Variants in DDX60L observed in about 807,000 individuals in gnomAD.
DDX60L encodes the protein probable ATP-dependent RNA helicase DDX60-like.
DDX60L carries 191 observed loss-of-function variants against 211.6 expected under a neutral mutation model. The observed-to-expected ratio is 0.90, with a 90% CI of 0.80 to 1.02. DDX60L has a LOEUF of 1.02. DDX60L is among the 50% of genes least tolerant of loss of function. The probability of loss-of-function intolerance (pLI) is 0.00; values close to 1 mark genes in which losing one functional copy is unlikely to be tolerated. For synonymous variants in DDX60L, 706 were observed against 694.1 expected (o/e 1.02, Z -0.27); for missense variants, 2,007 against 1,984.1 (o/e 1.01, Z -0.22).
intron 29 of DDX60L, 34 bp from the exon 30 acceptor site, chr4:168,384,846 C>T: frequency 6.3e-7 from 1 of 1,578,162 alleles, no homozygotes; most frequent in South Asian, 1.1e-5. Flanking sequence ...TGTAAAACCT[C>T]CACAGATAAT....
At chr4:168,381,285 C>T (rs1334235652) in intron 30 of DDX60L, among the ~76,000 whole-genome samples, 6 of 152,124 alleles carry the variant, frequency 3.9e-5, no homozygotes, top group Non-Finnish European at 7.4e-5. Flanking sequence ...TCCTCACAGA[C>T]ATTTCAGAGA....
chr4:168,433,601 T>TAC (rs1281137938), intron 10 of DDX60L, among the ~76,000 whole-genome samples: 1 of 152,226 alleles, frequency 6.6e-6, no homozygotes, highest in African/African-American at 2.4e-5. Flanking sequence ...AGTTCCTATG[T>TAC]ATGGTTTACA....
chr4:168,409,886 C>T (rs1407484078), intron 22 of DDX60L, among the ~76,000 whole-genome samples: 1 of 152,098 alleles, frequency 6.6e-6, no homozygotes, highest in Non-Finnish European at 1.5e-5. Flanking sequence ...TCTTTTTCCT[C>T]ATCTGTAAGT....
At chr4:168,460,193 C>T (rs1443202355) in intron 5 of DDX60L, among the ~76,000 whole-genome samples, 1 of 152,146 alleles carries the variant, frequency 6.6e-6, no homozygotes, top group Non-Finnish European at 1.5e-5. Flanking sequence ...TGGAACAAGA[C>T]TAGATTCACT....
chr4:168,358,298 T>C, intron 37 of DDX60L, 22 bp from the exon 38 acceptor site: 2 of 1,436,962 alleles, frequency 1.4e-6, no homozygotes, highest in Non-Finnish European at 1.8e-6. Context: ...ATAATAATAA[T>C]AAAAAAATAA....
intron 4 of DDX60L, among the ~76,000 whole-genome samples, chr4:168,468,306 A>T (rs1257491007): frequency 6.6e-6 from 1 of 152,160 alleles, no homozygotes; most frequent in African/African-American, 2.4e-5. Flanking sequence ...TGACCAACTA[A>T]GGTTTTCCCA....
At chr4:168,374,387 T>C (rs747767906) in intron 34 of DDX60L, among the ~76,000 whole-genome samples, 2 of 152,192 alleles carry the variant, frequency 1.3e-5, no homozygotes, top group Non-Finnish European at 2.9e-5. Context: ...GACAGGGGAA[T>C]ATGGGAATCA....
chr4:168,459,379 T>G (rs898333983), intron 5 of DDX60L, among the ~76,000 whole-genome samples: 3 of 151,934 alleles, frequency 2.0e-5, no homozygotes, highest in African/African-American at 7.3e-5. Flanking sequence ...ACCCTAGTAT[T>G]GCATTTTTAA....
At chr4:168,448,451 T>C (rs1325590557) in intron 9 of DDX60L, among the ~76,000 whole-genome samples, 187 bp downstream of exon 9, 1 of 152,138 alleles carries the variant, frequency 6.6e-6, no homozygotes, top group Non-Finnish European at 1.5e-5. Flanking sequence ...TCATAGCATA[T>C]CATATCATAG....
At chr4:168,390,122 T>G in intron 29 of DDX60L, 4 of 985,064 alleles carry the variant, frequency 4.1e-6, no homozygotes, top group Non-Finnish European at 4.8e-6. Context: ...TATATTTTAT[T>G]CTGTCCTAGG....
chr4:168,416,448 G>A (rs1161955551), intron 20 of DDX60L, among the ~76,000 whole-genome samples: 1 of 142,286 alleles, frequency 7.0e-6, no homozygotes, highest in East Asian at 2.0e-4. Context: ...GCCAGACATG[G>A]TAATGTACAC....
intron 34 of DDX60L, among the ~76,000 whole-genome samples, chr4:168,374,232 C>A (rs1310440592): frequency 1.3e-5 from 2 of 152,058 alleles, no homozygotes; most frequent in African/African-American, 4.8e-5. Flanking sequence ...CAATCACACA[C>A]TCCCATCATC....
chr4:168,415,488 C>G lies in DDX60L; in HGVS notation c.2899G>C (p.Glu967Gln), dbSNP rs774483116. 4 of 1,601,650 alleles carry G rather than the reference C, an allele frequency of 2.5e-6. No individual in the cohort carries two copies. In the Admixed American group the frequency reaches 6.7e-5, roughly 27 times the overall value. ...VLCGERYNDL[E>Q]KHICSVKHDD... ...TGTTTTACTGAACATATATGCTTCTCTAAATCATTGTATCTCTCTCCACAG... is the reference window on the plus strand; with the variant it reads ...TGTTTTACTGAACATATATGCTTCTGTAAATCATTGTATCTCTCTCCACAG... The change falls in exon 22 of 38, where the codon GAG becomes CAG. Residue 967 changes from glutamate to glutamine, a missense_variant. Glu to Gln is a conservative substitution (Grantham distance 29). Coordinates refer to ENST00000682922, the MANE Select transcript of DDX60L (RefSeq NM_001012967.3).
intron 18 of DDX60L, among the ~76,000 whole-genome samples, chr4:168,419,807 G>C (rs1750186166): frequency 6.6e-6 from 1 of 152,194 alleles, no homozygotes; most frequent in African/African-American, 2.4e-5. Context: ...TAGTCATTTA[G>C]TAATGCATTG....
At chr4:168,469,463 T>C (rs1393757154) in intron 4 of DDX60L, 2 of 152,134 alleles carry the variant, frequency 1.3e-5, no homozygotes, top group Non-Finnish European at 2.9e-5. Flanking sequence ...TAGGAAAATA[T>C]CTTTGTGACT....
Position 168,364,838 on chromosome 4 carries a change from A to T in DDX60L, c.4929-3627T>A, listed in dbSNP as rs1739696696. On this transcript the variant is annotated intron_variant, in intron 36 of 37. Coordinates refer to ENST00000682922, the MANE Select transcript of DDX60L (RefSeq NM_001012967.3). Reference sequence around the variant, plus strand: ...ATCATATCAAGTAACTTTTCTGAGCAAAATGGTATGAAACTAGAAATCAGC... The same window carrying T: ...ATCATATCAAGTAACTTTTCTGAGCTAAATGGTATGAAACTAGAAATCAGC... 2.6e-5 allele frequency among the ~76,000 whole-genome samples: 4 copies of T among 152,260 alleles called. No homozygotes were observed. In the South Asian group the frequency reaches 8.3e-4, roughly 31 times the overall value.
chr4:168,375,880 G>C (rs1741864432), intron 33 of DDX60L, among the ~76,000 whole-genome samples: 1 of 152,182 alleles, frequency 6.6e-6, no homozygotes, highest in Non-Finnish European at 1.5e-5. Flanking sequence ...ATGCTTTATT[G>C]AGTTCAGATT....
rs1200156931 is a variant in DDX60L at position 168,430,569 on chromosome 4, T to G, written c.1586A>C (p.Lys529Thr). The G allele has an allele frequency of 6.2e-7, 1 of 1,606,386 alleles. No individual in the cohort carries two copies. The highest frequency in any genetic ancestry group is 1.7e-5 in the Admixed American group (1 of 58,936). The change falls in exon 13 of 38, where the codon AAA (lysine) becomes ACA (threonine). Residue 529 changes from lysine to threonine, a missense_variant. Physicochemically the swap from Lys to Thr is moderately conservative, Grantham distance 78. Coordinates refer to ENST00000682922, the MANE Select transcript of DDX60L (RefSeq NM_001012967.3). Reference sequence around the variant, plus strand: ...TTTCGTAGAGATTGATTCTAACGATTTCCCATAAAATTGCTGATAATCCTG... The same window carrying G: ...TTTCGTAGAGATTGATTCTAACGATGTCCCATAAAATTGCTGATAATCCTG... Reference protein sequence around the residue: ...KIQDYQQFYGKSLESISTKVI... With the variant: ...KIQDYQQFYGTSLESISTKVI...
intron 37 of DDX60L, among the ~76,000 whole-genome samples, chr4:168,359,305 C>T (rs1051103340): frequency 6.6e-6 from 1 of 152,178 alleles, no homozygotes; most frequent in African/African-American, 2.4e-5. Context: ...GAACATTTCC[C>T]CCTGGATGTC....
Sources: allele counts gnomAD v4.1 joint callset (sites outside exome capture counted in the v4.1 genomes callset), GRCh38; gene constraint gnomAD v4.1.1; transcripts MANE v1.5; gene names NCBI Gene and HGNC (gene_info 2026-07-23, HGNC 2026-07-21).